Variants in GPHN observed in about 807,000 individuals in gnomAD.
The protein encoded by GPHN is gephyrin.
GPHN carries 17 observed loss-of-function variants against 95.5 expected under a neutral mutation model. The observed-to-expected ratio is 0.18, with a 90% CI of 0.12 to 0.27. The LOEUF (loss-of-function observed/expected upper bound fraction) is 0.27, where lower values mean the gene tolerates loss of function less well. Among genes scored for constraint, GPHN ranks in the 10% least tolerant of loss-of-function variants. The pLI is 1.00. For synonymous variants in GPHN, 320 were observed against 322.5 expected, an observed-to-expected ratio of 0.99 and a Z score of 0.08; for missense variants, 660 against 978.1, an observed-to-expected ratio of 0.67 and a Z score of 4.34.
the GPHN span, chr14:67,198,070 A>G: frequency 1.3e-6 from 2 of 1,488,182 alleles, no homozygotes; most frequent in African/African-American, 1.4e-5. Context: ...TAATAAATAA[A>G]TGAAGCAACT....
chr14:67,578,021 A>C, the GPHN span: 2 of 1,612,688 alleles, frequency 1.2e-6, no homozygotes, highest in East Asian at 4.5e-5. The surrounding 1 kb of genome is among the most constrained non-coding windows in gnomAD (Gnocchi z 5.0). Flanking sequence ...GTTCCCTCCC[A>C]GTCCTGCCAG....
chr14:67,209,184 G>A, the GPHN span, among the ~76,000 whole-genome samples: 1 of 152,268 alleles, frequency 6.6e-6, no homozygotes, highest in Non-Finnish European at 1.5e-5. Context: ...TAGGCATTGG[G>A]GATACAGCAG....
At chr14:67,095,966 C>CAAAAAAAAAAAAAAAAAAAAAGA in intron 12 of GPHN, among the ~76,000 whole-genome samples, 1 of 67,086 alleles carries the variant, frequency 1.5e-5, no homozygotes, top group Non-Finnish European at 3.6e-5. Flanking sequence ...AAGAAAAAGG[C>CAAAAAAAAAAAAAAAAAAAAAGA]AAAAAAAAAA....
the GPHN span, among the ~76,000 whole-genome samples, chr14:67,702,261 G>A: frequency 6.6e-6 from 1 of 152,102 alleles, no homozygotes; most frequent in African/African-American, 2.4e-5. Flanking sequence ...GAGCCACCAT[G>A]CCTGGCCTGT....
At chr14:67,107,579 G>A (rs958861509) in intron 13 of GPHN, among the ~76,000 whole-genome samples, 16 of 152,204 alleles carry the variant, frequency 1.1e-4, no homozygotes, top group Admixed American at 6.5e-5. Flanking sequence ...TCAGGAACCA[G>A]AGCCAGTAGG....
the GPHN span, among the ~76,000 whole-genome samples, chr14:67,344,196 T>G: frequency 6.6e-6 from 1 of 152,234 alleles, no homozygotes; most frequent in African/African-American, 2.4e-5. Context: ...CTCTGTATTG[T>G]ACTCGCCAAT....
the GPHN span, among the ~76,000 whole-genome samples, chr14:67,540,891 C>G: frequency 6.6e-6 from 1 of 152,154 alleles, no homozygotes; most frequent in Admixed American, 6.5e-5. Flanking sequence ...ATCCTGCATC[C>G]AGTGTTTTTT....
chr14:67,342,224 A>T, the GPHN span, among the ~76,000 whole-genome samples: 35 of 142,302 alleles, frequency 2.5e-4, no homozygotes, highest in Non-Finnish European at 3.7e-4. Flanking sequence ...AAAATAAAAT[A>T]AAAAAAAACA....
intron 12 of GPHN, among the ~76,000 whole-genome samples, chr14:67,096,346 GCCCCAGATGACCT>G (rs1020509730): frequency 2.0e-5 from 3 of 152,196 alleles, no homozygotes; most frequent in East Asian, 1.9e-4. Context: ...TACTAGGCTT[GCCCCAGATGACCT>G]CCCCAGATGA....
At chr14:67,376,159 G>A in the GPHN span, among the ~76,000 whole-genome samples, 6 of 129,824 alleles carry the variant, frequency 4.6e-5, no homozygotes, top group Admixed American at 7.6e-5. Context: ...TGATCTATGC[G>A]AGCACTCTGT....
chr14:67,103,698 TGCTATTCA>T (rs1197018895), intron 13 of GPHN, among the ~76,000 whole-genome samples: 1 of 151,982 alleles, frequency 6.6e-6, no homozygotes, highest in Non-Finnish European at 1.5e-5. Context: ...TGTGTAGAAA[TGCTATTCA>T]TTTTTGTGTG....
the GPHN span, chr14:67,649,124 T>C: frequency 6.6e-6 from 1 of 152,172 alleles, no homozygotes; most frequent in African/African-American, 2.4e-5. Context: ...ATTCTCTGCT[T>C]TGCTTCCTAA....
At chr14:67,404,756 G>A in the GPHN span, among the ~76,000 whole-genome samples, 2,793 of 152,084 alleles carry the variant, frequency 0.018, 43 homozygotes, top group East Asian at 0.061. Context: ...GCTGCAGTAA[G>A]CTATGATCAC....
chr14:67,288,774 T>G, the GPHN span, among the ~76,000 whole-genome samples: 1 of 152,076 alleles, frequency 6.6e-6, no homozygotes, highest in Non-Finnish European at 1.5e-5. Context: ...TAATATTAGC[T>G]TATGGTTAGA....
chr14:66,787,363 T>A (rs1162164401), intron 3 of GPHN, among the ~76,000 whole-genome samples: 1 of 152,186 alleles, frequency 6.6e-6, no homozygotes, highest in Non-Finnish European at 1.5e-5. Flanking sequence ...AAAGACACAT[T>A]CTGTGTTCAA....
At chr14:67,035,512 T>G (rs970731367) in intron 10 of GPHN, among the ~76,000 whole-genome samples, 1 of 151,304 alleles carries the variant, frequency 6.6e-6, no homozygotes, top group Non-Finnish European at 1.5e-5. Flanking sequence ...GACAGAAGAC[T>G]CAAAATAACT....
At chr14:66,540,950 C>A (rs542025030) in intron 1 of GPHN, among the ~76,000 whole-genome samples, 1 of 146,668 alleles carries the variant, frequency 6.8e-6, no homozygotes, top group African/African-American at 2.5e-5. Context: ...ATTTTTTTTT[C>A]TTTTTTTCCT....
chr14:67,559,423 T>C, the GPHN span, among the ~76,000 whole-genome samples: 1 of 152,312 alleles, frequency 6.6e-6, no homozygotes, highest in East Asian at 1.9e-4. Context: ...CTTAGACTAT[T>C]TCCAGTTTTG....
At chr14:67,302,168 T>G in the GPHN span, 7 of 1,527,524 alleles carry the variant, frequency 4.6e-6, no homozygotes, top group Non-Finnish European at 5.3e-6. Context: ...TCTGCTGTTG[T>G]GTGCTTCAAA....
Sources: gnomAD v4.1 joint callset for allele counts (sites outside exome capture counted in the v4.1 genomes callset) on GRCh38, gnomAD v4.1.1 for gene constraint, Gnocchi (gnomAD v3.1) non-coding constraint, MANE v1.5 for transcripts, NCBI Gene and HGNC (gene_info 2026-07-23, HGNC 2026-07-21) for gene names.